Variants in LGR5 observed in about 807,000 individuals in gnomAD.
LGR5 encodes leucine rich repeat containing G protein-coupled receptor 5.
Under a neutral mutation model 76.7 loss-of-function variants are expected in LGR5, and 54 were observed. The ratio of observed to expected loss-of-function variants is 0.70; its 90% CI spans 0.57 to 0.88. The LOEUF (loss-of-function observed/expected upper bound fraction) is 0.88, where lower values mean the gene tolerates loss of function less well. Among genes scored for constraint, LGR5 ranks in the 40% least tolerant of loss-of-function variants. The pLI is 0.00. For synonymous variants in LGR5, 406 were observed against 421.9 expected, an observed-to-expected ratio of 0.96 and a Z score of 0.46; for missense variants, 1,078 against 1,073.3, an observed-to-expected ratio of 1.00 and a Z score of -0.06.
intron 16 of LGR5, among the ~76,000 whole-genome samples, chr12:71,581,759 A>T (rs1879101451): frequency 6.6e-6 from 1 of 152,222 alleles, no homozygotes; most frequent in Non-Finnish European, 1.5e-5. Flanking sequence ...TAGGCCTTGA[A>T]AGTACACAAT....
At chr12:71,568,391 G>T (rs1285215152) in intron 11 of LGR5, among the ~76,000 whole-genome samples, 2 of 152,164 alleles carry the variant, frequency 1.3e-5, no homozygotes, top group African/African-American at 4.8e-5. Context: ...GGGTTCTCAT[G>T]AGGACTGATT....
At chr12:71,524,263 C>G (rs574051418) in intron 2 of LGR5, 143 bp from the exon 3 acceptor site, 1 of 554,712 alleles carries the variant, frequency 1.8e-6, no homozygotes, top group South Asian at 3.2e-5. Flanking sequence ...ATATTTTTTG[C>G]AAAATATAAC....
chr12:71,564,633 C>T (rs1383428921), intron 8 of LGR5, among the ~76,000 whole-genome samples: 2 of 149,044 alleles, frequency 1.3e-5, no homozygotes, highest in African/African-American at 5.0e-5. Flanking sequence ...CGTATCTGTA[C>T]ACACGCACTG....
intron 3 of LGR5, among the ~76,000 whole-genome samples, chr12:71,529,393 A>C (rs758849817): frequency 3.9e-5 from 6 of 152,194 alleles, no homozygotes; most frequent in Non-Finnish European, 5.9e-5. Flanking sequence ...AAACCATCAG[A>C]TCTCGTGAGA....
Position 71,459,267 on chromosome 12 carries a change from C to T in LGR5, c.212+18975C>T, listed in dbSNP as rs138372549. Reference sequence around the variant, plus strand: ...TCTGCCTTACTGGCTTATAGTTTTACTGGGCATATCTCATTCATTTTCAAT... The same window carrying T: ...TCTGCCTTACTGGCTTATAGTTTTATTGGGCATATCTCATTCATTTTCAAT... On this transcript the variant is annotated intron_variant, in intron 1 of 17. Coordinates refer to ENST00000266674, the MANE Select transcript of LGR5 (RefSeq NM_003667.4). 3.5e-4 allele frequency among the ~76,000 whole-genome samples: 54 copies of T among 152,228 alleles called. No homozygotes were observed. The East Asian group carries it at 9.1e-3, about 26-fold the overall frequency.
intron 1 of LGR5, among the ~76,000 whole-genome samples, chr12:71,503,922 GT>G (rs1165797675): frequency 6.6e-6 from 1 of 152,152 alleles, no homozygotes; most frequent in Non-Finnish European, 1.5e-5. Context: ...ATTACACAGA[GT>G]TTCGTTTAAA....
chr12:71,553,044 T>C (rs1877569184), intron 4 of LGR5, 29 bp from the exon 5 acceptor site: 2 of 1,606,314 alleles, frequency 1.2e-6, no homozygotes, highest in Non-Finnish European at 1.7e-6. Flanking sequence ...TTTGCTCTCT[T>C]TTCCATTCTT....
In LGR5 at chr12:71,566,650, A is replaced by G. The variant is rs762605462; in HGVS notation, c.948A>G (p.Ser316=). 1.4e-5 allele frequency: 22 copies of G among 1,613,280 alleles called. No homozygotes were observed. The South Asian group carries it at 2.4e-4, about 18-fold the overall frequency. ...TTTCTAGGACTCTGAATGGTGCCTC[A>G]CAAATAACTGAATTTCCTGATTTAA... The part of the protein sequence containing the change: ...ELRTLTLNGA[S]QITEFPDLTG... The change falls in exon 10 of 18, where the codon TCA becomes TCG. Residue 316 remains serine (S), a synonymous_variant. Coordinates refer to ENST00000266674, the MANE Select transcript of LGR5 (RefSeq NM_003667.4).
chr12:71,535,337 A>G, intron 4 of LGR5, 151 bp downstream of exon 4: 1 of 604,250 alleles, frequency 1.7e-6, no homozygotes, highest in East Asian at 2.8e-5. Context: ...AACTCTTCAT[A>G]GCCTCATTGA....
chr12:71,516,033 A>G (rs567125175), intron 2 of LGR5, among the ~76,000 whole-genome samples: 46 of 152,366 alleles, frequency 3.0e-4, no homozygotes, highest in Non-Finnish European at 5.9e-4. Flanking sequence ...TATGATATAA[A>G]TTATGAGAGA....
chr12:71,444,085 G>A (rs893792546), intron 1 of LGR5, among the ~76,000 whole-genome samples: 8 of 152,168 alleles, frequency 5.3e-5, no homozygotes, highest in African/African-American at 1.9e-4. Context: ...AAGTGTTTAA[G>A]ATGCAGTTTC....
At chr12:71,571,640 A>C in intron 12 of LGR5, 61 bp downstream of exon 12, 20 of 1,226,614 alleles carry the variant, frequency 1.6e-5, no homozygotes, top group Non-Finnish European at 2.2e-5. Context: ...CACATTTCTC[A>C]GGGTCACTGG....
intron 17 of LGR5, among the ~76,000 whole-genome samples, chr12:71,583,038 G>T (rs1488559993): frequency 6.8e-6 from 1 of 146,460 alleles, no homozygotes; most frequent in African/African-American, 2.5e-5. Context: ...GGAAGGGGAG[G>T]GGAAGAGATG....
Position 71,561,788 on chromosome 12 carries a change from C to A in LGR5, c.793C>A (p.His265Asn), listed in dbSNP as rs747289525. 6.3e-7 allele frequency: 1 copy of A among 1,597,992 alleles called. No homozygotes were observed. The highest frequency in any genetic ancestry group is 1.7e-5 in the Admixed American group (1 of 58,992). ...TLSNLKELGF[H>N]SNNIRSIPEK... is the part of the protein sequence containing the mutation. Reference sequence around the variant, plus strand: ...TTTTTTTTCTCTTTCTAGAGGATTTCATAGCAACAATATCAGGTCGATACC... The same window carrying A: ...TTTTTTTTCTCTTTCTAGAGGATTTAATAGCAACAATATCAGGTCGATACC... Residue 265 changes from histidine to asparagine, a missense_variant, in exon 8 of 18, where the codon CAT becomes AAT. By Grantham distance (68) the His-to-Asn change is moderately conservative. Transcript: ENST00000266674.
At chr12:71,563,668 C>T (rs1781039394) in intron 8 of LGR5, among the ~76,000 whole-genome samples, 2 of 152,196 alleles carry the variant, frequency 1.3e-5, no homozygotes, top group South Asian at 4.1e-4. Context: ...CCTACGATCC[C>T]ATTCCCTCAC....
At position 71,572,835 on chromosome 12, in the gene LGR5, AC is replaced by A; in HGVS notation, c.1137-12del. 6.2e-7 allele frequency: 1 copy of A among 1,606,378 alleles called. No homozygotes were observed. The highest frequency in any genetic ancestry group is 8.5e-7 in the Non-Finnish European group (1 of 1,173,314). ...AGTAACTTTGAAATCAATCTTTGGA[AC>A]CCTGTCATTTCAGTGACCTAAGACA... On this transcript the variant is annotated splice_polypyrimidine_tract_variant and intron_variant, in intron 12 of 17. Transcript: ENST00000266674.
intron 1 of LGR5, among the ~76,000 whole-genome samples, chr12:71,478,521 C>A (rs1469512144): frequency 6.6e-6 from 1 of 152,150 alleles, no homozygotes. Flanking sequence ...AAACTGTTTA[C>A]TTGAAATTGA....
intron 4 of LGR5, among the ~76,000 whole-genome samples, chr12:71,543,537 A>G (rs531249702): frequency 5.9e-5 from 9 of 152,276 alleles, no homozygotes; most frequent in South Asian, 2.1e-4. Flanking sequence ...AATGAGGTAA[A>G]AGTTTGGCCA....
chr12:71,532,513 T>C (rs962327468), intron 3 of LGR5, among the ~76,000 whole-genome samples: 1 of 152,240 alleles, frequency 6.6e-6, no homozygotes, highest in Non-Finnish European at 1.5e-5. Flanking sequence ...GTAATTACGT[T>C]CCTTAGAAAA....
Sources: allele counts gnomAD v4.1 joint callset (sites outside exome capture counted in the v4.1 genomes callset), GRCh38; gene constraint gnomAD v4.1.1; transcripts MANE v1.5; gene names NCBI Gene and HGNC (gene_info 2026-07-23, HGNC 2026-07-21).